Variants in RORB observed in about 807,000 individuals in gnomAD.
RORB encodes the protein RAR related orphan receptor B, also known as nuclear receptor ROR-beta.
A neutral mutation model predicts 59.1 loss-of-function variants in RORB; 6 were observed. That is an observed-to-expected ratio of 0.10 (90% CI 0.06 to 0.20). The LOEUF is 0.20. RORB is among the 10% of genes least tolerant of loss of function. The pLI is 1.00. For missense variants in RORB, 320 were observed against 560.5 expected, an observed-to-expected ratio of 0.57 and a Z score of 4.33; for synonymous variants, 215 against 204.5, an observed-to-expected ratio of 1.05 and a Z score of -0.44.
chr9:74,589,696 T>C (rs896115994), intron 1 of RORB, among the ~76,000 whole-genome samples: 5 of 152,102 alleles, frequency 3.3e-5, no homozygotes, highest in African/African-American at 9.7e-5. Flanking sequence ...ACAGGATGAG[T>C]GTCACTGGGG....
chr9:74,538,972 T>A (rs1472865492), intron 1 of RORB, among the ~76,000 whole-genome samples: 2 of 152,138 alleles, frequency 1.3e-5, no homozygotes, highest in Non-Finnish European at 2.9e-5. Flanking sequence ...TTGTTTTCAT[T>A]CCTGAAATGC....
At chr9:74,673,910 T>A (rs956078972) in intron 9 of RORB, among the ~76,000 whole-genome samples, 2 of 152,188 alleles carry the variant, frequency 1.3e-5, no homozygotes, top group African/African-American at 4.8e-5. Context: ...TAATAAGATG[T>A]TATCTGAACT....
chr9:74,606,986 C>A (rs1038909984), intron 1 of RORB, among the ~76,000 whole-genome samples: 1 of 152,144 alleles, frequency 6.6e-6, no homozygotes, highest in African/African-American at 2.4e-5. Context: ...GATAGGAATG[C>A]TTTTGGTAGA....
chr9:74,514,652 G>T (rs1825983862), intron 1 of RORB, among the ~76,000 whole-genome samples: 1 of 148,334 alleles, frequency 6.7e-6, no homozygotes, highest in Non-Finnish European at 1.5e-5. Context: ...TATGCTAAAT[G>T]ATATTTATAT....
At chr9:74,524,782 A>T (rs79880466) in intron 1 of RORB, among the ~76,000 whole-genome samples, 2,968 of 152,032 alleles carry the variant, frequency 0.02, 47 homozygotes, top group Non-Finnish European at 0.031. Context: ...AAAGAGAAAA[A>T]TAAAAGTATT....
At chr9:74,573,292 G>A (rs550433050) in intron 1 of RORB, among the ~76,000 whole-genome samples, 69 of 151,842 alleles carry the variant, frequency 4.5e-4, no homozygotes, top group African/African-American at 1.6e-3. Context: ...TCAATGAGGG[G>A]CCAATCAGCC....
Position 74,623,421 on chromosome 9 carries a change from G to A in RORB, c.8-6861G>A, listed in dbSNP as rs182309609. On this transcript the variant is annotated intron_variant, in intron 1 of 9. Transcript: ENST00000376896. ...TCTCTTTTTTCTGCCTTGTCAATTA[G>A]TGGCCAGAGTTTTCTCTCTCTTTTT... 3.0e-4 allele frequency among the ~76,000 whole-genome samples: 44 copies of A among 148,470 alleles called. 1 individual carries two copies. Among genetic ancestry groups the A allele is most frequent in the South Asian group, 2.6e-3 (12 of 4,548 alleles).
rs1316807717 is a variant in RORB at position 74,610,981 on chromosome 9, A to T, written c.8-19301A>T. 2.6e-5 allele frequency among the ~76,000 whole-genome samples: 4 copies of T among 152,268 alleles called. No homozygotes were observed. In the East Asian group the frequency reaches 7.7e-4, roughly 29 times the overall value. ...GGGATGGTTTCTATAAAATCAAGCT[A>T]TTTTTAATGACATTTCTTCTATTTG... On this transcript the variant is annotated intron_variant, in intron 1 of 9. Transcript: ENST00000376896.
chr9:74,597,339 C>G (rs1391327242), intron 1 of RORB, among the ~76,000 whole-genome samples: 1 of 152,202 alleles, frequency 6.6e-6, no homozygotes, highest in African/African-American at 2.4e-5. Flanking sequence ...AGTCTTGGCT[C>G]TATAACTGAA....
chr9:74,619,302 T>C (rs574098466), intron 1 of RORB, among the ~76,000 whole-genome samples: 4 of 152,332 alleles, frequency 2.6e-5, no homozygotes, highest in East Asian at 3.9e-4. Context: ...ATTAACATCG[T>C]CTTCTTCCAG....
intron 1 of RORB, among the ~76,000 whole-genome samples, chr9:74,581,002 G>A (rs1156360178): frequency 6.6e-6 from 1 of 152,124 alleles, no homozygotes; most frequent in East Asian, 1.9e-4. Flanking sequence ...ATTTCAGATG[G>A]GGATGCAGTC....
At chr9:74,565,504 TA>T (rs1822456372) in intron 1 of RORB, among the ~76,000 whole-genome samples, 1 of 152,204 alleles carries the variant, frequency 6.6e-6, no homozygotes, top group Non-Finnish European at 1.5e-5. Flanking sequence ...AAAATTTTCA[TA>T]AGCATTCTGT....
chr9:74,513,315 G>A (rs567710167), intron 1 of RORB, among the ~76,000 whole-genome samples: 5 of 152,004 alleles, frequency 3.3e-5, no homozygotes, highest in Admixed American at 6.6e-5. Flanking sequence ...AAAAAACCTC[G>A]CTCTGGTCCA....
In RORB at chr9:74,634,736, C is replaced by T; in HGVS notation, c.199C>T (p.Leu67=). 1 of 1,613,614 alleles carries T rather than the reference C, an allele frequency of 6.2e-7. No individual in the cohort carries two copies. Among genetic ancestry groups the T allele is most frequent in the South Asian group, 1.1e-5 (1 of 91,038 alleles). ...TNRNRCQHCR[L]QKCLALGMSR... ...CAGAAACCGTTGCCAACACTGCCGA[C>T]TGCAGAAGTGTCTTGCCCTAGGAAT... The change falls in exon 3 of 10, where the codon CTG becomes TTG. Residue 67 remains leucine (L), a synonymous_variant. Transcript: ENST00000376896.
intron 5 of RORB, among the ~76,000 whole-genome samples, chr9:74,661,838 G>A (rs1303307162): frequency 4.0e-5 from 6 of 151,576 alleles, no homozygotes; most frequent in African/African-American, 1.2e-4. Context: ...GTAGAGACAG[G>A]GTTTCACCAT....
intron 1 of RORB, among the ~76,000 whole-genome samples, chr9:74,573,868 C>G (rs1379544551): frequency 6.6e-6 from 1 of 152,102 alleles, no homozygotes; most frequent in Non-Finnish European, 1.5e-5. Flanking sequence ...TCGAAAGAAA[C>G]AGCAACTGTG....
At chr9:74,554,865 G>T (rs1199234171) in intron 1 of RORB, among the ~76,000 whole-genome samples, 2 of 152,162 alleles carry the variant, frequency 1.3e-5, no homozygotes, top group Non-Finnish European at 2.9e-5. Flanking sequence ...ACATGAGCCA[G>T]CATCTCCTTT....
chr9:74,545,975 A>G lies in RORB; in HGVS notation c.7+47992A>G, dbSNP rs1434703600. 2.6e-5 allele frequency among the ~76,000 whole-genome samples: 4 copies of G among 152,356 alleles called. No individual in the cohort carries two copies. In the East Asian group the frequency reaches 5.8e-4, roughly 22 times the overall value. On this transcript the variant is annotated intron_variant, in intron 1 of 9. Coordinates refer to ENST00000376896, the MANE Select transcript of RORB (RefSeq NM_006914.4). ...AAAAATAAAAGGAATCTAACTGGCA[A>G]TAGAGAAATATGTACAGGTTGTTGT...
chr9:74,557,407 G>C (rs1822322696), intron 1 of RORB, among the ~76,000 whole-genome samples: 1 of 152,142 alleles, frequency 6.6e-6, no homozygotes, highest in Non-Finnish European at 1.5e-5. Context: ...CTTACACACA[G>C]AGGAGAATAG....
Sources: allele counts gnomAD v4.1 joint callset (sites outside exome capture counted in the v4.1 genomes callset), GRCh38; gene constraint gnomAD v4.1.1; transcripts MANE v1.5; gene names NCBI Gene and HGNC (gene_info 2026-07-23, HGNC 2026-07-21).